INVS: variants seen among roughly 807,000 people sequenced by gnomAD.
INVS encodes inversion of embryo turning homolog.
In INVS, 86 loss-of-function variants were observed where a neutral mutation model predicts 108.8. The observed-to-expected ratio is 0.79, with a 90% CI of 0.66 to 0.95. INVS has a LOEUF of 0.95. Among genes scored for constraint, INVS ranks in the 40% least tolerant of loss-of-function variants. INVS has a pLI of 0.00. For synonymous variants in INVS, 455 were observed against 473.5 expected (o/e 0.96, Z 0.51); for missense variants, 1,169 against 1,297.4 (o/e 0.90, Z 1.52).
chr9:100,292,167 T>C (rs1295563923), intron 13 of INVS, among the ~76,000 whole-genome samples, 159 bp from the exon 14 acceptor site: 4 of 152,232 alleles, frequency 2.6e-5, no homozygotes, highest in African/African-American at 9.6e-5. Context: ...TAACCTACCA[T>C]ATTGCTGGAA....
At chr9:100,278,970 G>C (rs1360660557) in intron 12 of INVS, among the ~76,000 whole-genome samples, 1 of 152,198 alleles carries the variant, frequency 6.6e-6, no homozygotes, top group Non-Finnish European at 1.5e-5. Context: ...ATGAAACCAT[G>C]ATTCTGTAAA....
intron 2 of INVS, among the ~76,000 whole-genome samples, chr9:100,125,308 G>C (rs1588019296): frequency 6.6e-6 from 1 of 152,170 alleles, no homozygotes; most frequent in Admixed American, 6.5e-5. Flanking sequence ...TTCTTTTATT[G>C]TATGTGTTTT....
intron 3 of INVS, among the ~76,000 whole-genome samples, chr9:100,207,211 A>G (rs1411998140): frequency 1.3e-5 from 2 of 152,160 alleles, no homozygotes; most frequent in Non-Finnish European, 2.9e-5. Context: ...GCATCGTTTG[A>G]CCACTCACAC....
intron 14 of INVS, among the ~76,000 whole-genome samples, chr9:100,295,311 C>T (rs551974225): frequency 4.6e-5 from 7 of 152,158 alleles, no homozygotes; most frequent in African/African-American, 1.4e-4. Flanking sequence ...TGCCCACCTG[C>T]GTAGGTAACT....
chr9:100,294,919 C>T (rs1219392711), intron 14 of INVS, among the ~76,000 whole-genome samples: 1 of 152,174 alleles, frequency 6.6e-6, no homozygotes, highest in Non-Finnish European at 1.5e-5. Context: ...GTTCTTATCC[C>T]CGTTACACAG....
intron 10 of INVS, among the ~76,000 whole-genome samples, chr9:100,257,016 G>A (rs1832441893): frequency 6.6e-6 from 1 of 152,160 alleles, no homozygotes; most frequent in Non-Finnish European, 1.5e-5. Flanking sequence ...GGGTGTTAAA[G>A]CCTCCCATGA....
At chr9:100,260,520 T>C (rs867682316) in intron 10 of INVS, among the ~76,000 whole-genome samples, 1 of 152,222 alleles carries the variant, frequency 6.6e-6, no homozygotes, top group African/African-American at 2.4e-5. Flanking sequence ...ACATTTTGTT[T>C]ACTTAAAATT....
chr9:100,294,272 A>G (rs1336540671), intron 14 of INVS, among the ~76,000 whole-genome samples: 1 of 152,140 alleles, frequency 6.6e-6, no homozygotes, highest in Non-Finnish European at 1.5e-5. Context: ...GGTGTATGAG[A>G]TATCGAGGTT....
intron 3 of INVS, among the ~76,000 whole-genome samples, chr9:100,145,949 TAAG>T (rs1464488909): frequency 6.6e-6 from 1 of 152,082 alleles, no homozygotes; most frequent in African/African-American, 2.4e-5. Context: ...GAGAAGAGAT[TAAG>T]AAGAGGCGGC....
In INVS at chr9:100,219,881, G is replaced by GAT. The variant is rs61219577; in HGVS notation, c.274-6164_274-6163dup. Among the ~76,000 whole-genome samples, 977 of 148,028 alleles carry GAT rather than the reference G, an allele frequency of 6.6e-3. 5 individuals are homozygous for GAT. The highest frequency in any genetic ancestry group is 0.018 in the African/African-American group (737 of 40,664). On this transcript the variant is annotated intron_variant, in intron 3 of 16. Coordinates refer to ENST00000262457, the MANE Select transcript of INVS (RefSeq NM_014425.5). ...GTAAAACAATACTATGTCGTTTATG[G>GAT]ATATATATATATATATATGTTTGTA...
chr9:100,219,881 G>GATATATATATATATAT (rs61219577), intron 3 of INVS, among the ~76,000 whole-genome samples: 14 of 148,020 alleles, frequency 9.5e-5, no homozygotes, highest in African/African-American at 3.2e-4. Flanking sequence ...GTCGTTTATG[G>GATATATATATATATAT]ATATATATAT....
At chr9:100,254,718 G>T (rs542199937) in intron 10 of INVS, among the ~76,000 whole-genome samples, 5 of 152,178 alleles carry the variant, frequency 3.3e-5, no homozygotes, top group Non-Finnish European at 7.4e-5. Context: ...TCAAAAATCA[G>T]ATGATTGTAG....
At chr9:100,235,235 C>T (rs1831647269) in intron 5 of INVS, among the ~76,000 whole-genome samples, 1 of 151,684 alleles carries the variant, frequency 6.6e-6, no homozygotes, top group Non-Finnish European at 1.5e-5. Flanking sequence ...CTTCCTCCAT[C>T]CGTTTATTTT....
chr9:100,151,664 T>C (rs7857556), intron 3 of INVS, among the ~76,000 whole-genome samples: 31,925 of 152,022 alleles, frequency 0.21, 5,697 homozygotes, highest in African/African-American at 0.49. Flanking sequence ...GTCTGACTTA[T>C]GTATTTATAA....
intron 1 of INVS, among the ~76,000 whole-genome samples, chr9:100,102,279 A>G (rs1295156664): frequency 2.0e-5 from 3 of 151,964 alleles, no homozygotes; most frequent in Non-Finnish European, 2.9e-5. Context: ...TTGTGTTTTT[A>G]GTAGGGACGG....
At chr9:100,274,373 A>AG (rs1833054327) in intron 12 of INVS, among the ~76,000 whole-genome samples, 1 of 152,182 alleles carries the variant, frequency 6.6e-6, no homozygotes, top group African/African-American at 2.4e-5. Flanking sequence ...AGAAAAAAAA[A>AG]AGATTGATTT....
chr9:100,186,141 C>T (rs903621194), intron 3 of INVS, among the ~76,000 whole-genome samples: 2 of 152,016 alleles, frequency 1.3e-5, no homozygotes, highest in African/African-American at 4.8e-5. Flanking sequence ...GTTTTCCATA[C>T]AGGTTGTACT....
chr9:100,230,718 CATGTTGGCAAGG>C (rs1157801107), intron 5 of INVS, among the ~76,000 whole-genome samples: 1 of 152,116 alleles, frequency 6.6e-6, no homozygotes, highest in African/African-American at 2.4e-5. Context: ...CGGGTTTCAC[CATGTTGGCAAGG>C]ATGGTCTCGA....
At chr9:100,174,036 T>C (rs1382817228) in intron 3 of INVS, among the ~76,000 whole-genome samples, 2 of 152,224 alleles carry the variant, frequency 1.3e-5, no homozygotes, top group African/African-American at 4.8e-5. Context: ...CAACACATCA[T>C]TTTCAGTGTC....
Sources: gnomAD v4.1 joint callset for allele counts (sites outside exome capture counted in the v4.1 genomes callset) on GRCh38, gnomAD v4.1.1 for gene constraint, MANE v1.5 for transcripts, NCBI Gene and HGNC (gene_info 2026-07-23, HGNC 2026-07-21) for gene names.